CCDC141: variants seen among roughly 807,000 people sequenced by gnomAD.
The protein encoded by CCDC141 is coiled-coil domain-containing protein 141.
CCDC141 carries 168 observed loss-of-function variants against 181.0 expected under a neutral mutation model. The ratio of observed to expected loss-of-function variants is 0.93; its 90% CI spans 0.82 to 1.05. CCDC141 has a LOEUF of 1.05. Among genes scored for constraint, CCDC141 ranks in the 50% least tolerant of loss-of-function variants. The pLI, the probability that CCDC141 is intolerant of heterozygous loss-of-function variation, is 0.00. For synonymous variants in CCDC141, 666 were observed against 642.3 expected, an observed-to-expected ratio of 1.04 and a Z score of -0.56; for missense variants, 1,902 against 1,788.5, an observed-to-expected ratio of 1.06 and a Z score of -1.14.
chr2:178,932,149 C>T lies in CCDC141; in HGVS notation c.897+12386G>A, dbSNP rs554145301. ...CTCCAGCCTAGGTGACAGAGTGAGACGCAGTCTCAAAAAACAAAAACAAAA... is the reference window on the plus strand; with the variant it reads ...CTCCAGCCTAGGTGACAGAGTGAGATGCAGTCTCAAAAAACAAAAACAAAA... On this transcript the variant is annotated intron_variant, in intron 6 of 23. Coordinates refer to ENST00000443758, the MANE Select transcript of CCDC141 (RefSeq NM_173648.4). Among the ~76,000 whole-genome samples, 9 of 152,222 alleles carry T rather than the reference C, an allele frequency of 5.9e-5. No homozygotes were observed. In the South Asian group the frequency reaches 6.2e-4, roughly 11 times the overall value.
chr2:178,834,752 T>A (rs572483958), intron 23 of CCDC141, among the ~76,000 whole-genome samples: 3 of 151,620 alleles, frequency 2.0e-5, no homozygotes, highest in South Asian at 4.2e-4. Flanking sequence ...TTTTATTTTT[T>A]ATTTTTTTTA....
chr2:179,007,910 C>T (rs889372374), intron 2 of CCDC141, among the ~76,000 whole-genome samples: 1 of 152,180 alleles, frequency 6.6e-6, no homozygotes, highest in African/African-American at 2.4e-5. Flanking sequence ...GATTATCTAT[C>T]ACAATCACGC....
At chr2:178,869,349 T>C in intron 14 of CCDC141, 44 bp from the exon 15 acceptor site, 1 of 1,417,892 alleles carries the variant, frequency 7.1e-7, no homozygotes, top group Non-Finnish European at 9.6e-7. Flanking sequence ...ATTAAAGAAC[T>C]TTTTTACTTT....
intron 8 of CCDC141, among the ~76,000 whole-genome samples, chr2:178,889,337 T>C (rs1207777795): frequency 6.6e-6 from 1 of 152,182 alleles, no homozygotes; most frequent in Non-Finnish European, 1.5e-5. Flanking sequence ...AACTTTGAGA[T>C]GGACCCTAGC....
downstream of CCDC141, among the ~76,000 whole-genome samples, chr2:178,825,802 T>C (rs560849823): frequency 1.2e-3 from 178 of 152,272 alleles, no homozygotes; most frequent in Middle Eastern, 3.4e-3. Flanking sequence ...CTCCCAACTT[T>C]TTCTTGAGTG....
intron 6 of CCDC141, among the ~76,000 whole-genome samples, chr2:178,940,818 C>T (rs991107534): frequency 3.9e-5 from 6 of 152,158 alleles, no homozygotes; most frequent in South Asian, 2.1e-4. Flanking sequence ...CTACTTCCCC[C>T]GCCCAGACTT....
chr2:179,034,480 G>T (rs796399969), intron 2 of CCDC141, among the ~76,000 whole-genome samples: 1 of 152,186 alleles, frequency 6.6e-6, no homozygotes, highest in Non-Finnish European at 1.5e-5. Context: ...AAACCTGCAC[G>T]TGTACCTCTG....
At chr2:179,048,328 G>T (rs943543387) in intron 1 of CCDC141, among the ~76,000 whole-genome samples, 2 of 152,202 alleles carry the variant, frequency 1.3e-5, no homozygotes, top group Non-Finnish European at 2.9e-5. Flanking sequence ...ATTGCTTGGG[G>T]TGTATTTTGT....
intron 10 of CCDC141, among the ~76,000 whole-genome samples, chr2:178,886,088 T>G (rs1025507021): frequency 6.6e-6 from 1 of 152,174 alleles, no homozygotes; most frequent in Non-Finnish European, 1.5e-5. Context: ...GAGTTTCCGG[T>G]GGGGACATAG....
chr2:178,891,748 G>T (rs1324600732), intron 8 of CCDC141, among the ~76,000 whole-genome samples: 3 of 150,758 alleles, frequency 2.0e-5, no homozygotes, highest in Non-Finnish European at 4.4e-5. Flanking sequence ...TTTTAATTTA[G>T]GTGAATTACA....
At position 179,047,135 on chromosome 2, in the gene CCDC141, T is replaced by C. The variant is rs1259225408; in HGVS notation, c.225+149A>G. The C allele has an allele frequency of 5.4e-6, 3 of 554,216 alleles. No homozygotes were observed. In the East Asian group the frequency reaches 1.0e-4, roughly 19 times the overall value. The allele number at this position is 554,216 out of a possible 1,614,324, so 34.3% of individuals were successfully genotyped here. Reference sequence around the variant, plus strand: ...TGTTACTTCTCTCTGATGCTGTTTGTTCATAAATAACTACTGATTTTTCCA... The same window carrying C: ...TGTTACTTCTCTCTGATGCTGTTTGCTCATAAATAACTACTGATTTTTCCA... On this transcript the variant is annotated intron_variant, in intron 2 of 23. Coordinates refer to ENST00000443758, the MANE Select transcript of CCDC141 (RefSeq NM_173648.4).
At chr2:178,877,084 C>T (rs891873787) in intron 12 of CCDC141, 20 of 152,060 alleles carry the variant, frequency 1.3e-4, no homozygotes, top group African/African-American at 4.8e-4. Flanking sequence ...TTTTTGGTTA[C>T]ATTTAATGAA....
chr2:178,848,345 T>G (rs1056057920), intron 21 of CCDC141, among the ~76,000 whole-genome samples: 1 of 152,168 alleles, frequency 6.6e-6, no homozygotes, highest in Non-Finnish European at 1.5e-5. Context: ...GGAACTTGAC[T>G]TGGTAAGGAA....
At chr2:178,882,485 T>C (rs988746506) in intron 11 of CCDC141, among the ~76,000 whole-genome samples, 3 of 152,210 alleles carry the variant, frequency 2.0e-5, no homozygotes, top group Non-Finnish European at 4.4e-5. Context: ...AGATTTGTGC[T>C]GAACAGGAGC....
intron 4 of CCDC141, among the ~76,000 whole-genome samples, chr2:178,969,446 C>T (rs1227249144): frequency 2.0e-5 from 3 of 151,952 alleles, no homozygotes; most frequent in Non-Finnish European, 4.4e-5. Flanking sequence ...CAGCTTCATC[C>T]CTGGGATGCA....
intron 22 of CCDC141, among the ~76,000 whole-genome samples, chr2:178,841,854 A>G (rs964409817): frequency 2.0e-5 from 3 of 152,084 alleles, no homozygotes; most frequent in African/African-American, 7.2e-5. Flanking sequence ...GCTGGTCTTG[A>G]ACTCCTGGCT....
chr2:178,992,379 GA>G (rs140776901), intron 2 of CCDC141, among the ~76,000 whole-genome samples: 13 of 125,166 alleles, frequency 1.0e-4, no homozygotes, highest in East Asian at 4.5e-4. Context: ...ATTCTTAAAG[GA>G]AAAAAAAAAC....
At position 178,915,118 on chromosome 2, in the gene CCDC141, A is replaced by G. The variant is rs568210140; in HGVS notation, c.1092+3595T>C. On this transcript the variant is annotated intron_variant, in intron 7 of 23. Transcript: ENST00000443758. ...AGCCCCGGAGGTCAGGGCTACAGTG[A>G]GCTGTGATCATGCCACTGCACTTCA... Among the ~76,000 whole-genome samples, 12 of 152,172 alleles carry G rather than the reference A, an allele frequency of 7.9e-5. 1 individual carries two copies. The East Asian group carries it at 2.3e-3, about 29-fold the overall frequency.
At chr2:178,863,482 C>T (rs1418983042) in intron 17 of CCDC141, among the ~76,000 whole-genome samples, 1 of 152,136 alleles carries the variant, frequency 6.6e-6, no homozygotes, top group Admixed American at 6.5e-5. Context: ...CAGCTATACC[C>T]AAAGACTAAT....
Sources: gnomAD v4.1 joint callset for allele counts (sites outside exome capture counted in the v4.1 genomes callset) on GRCh38, gnomAD v4.1.1 for gene constraint, MANE v1.5 for transcripts, NCBI Gene and HGNC (gene_info 2026-07-23, HGNC 2026-07-21) for gene names.